The following ADAMTS6 variants were observed in gnomAD, a reference collection of about 807,000 sequenced individuals.
The protein encoded by ADAMTS6 is ADAM metallopeptidase with thrombospondin type 1 motif 6.
Under a neutral mutation model 144.3 loss-of-function variants are expected in ADAMTS6, and 23 were observed. The ratio of observed to expected loss-of-function variants is 0.16; its 90% CI spans 0.11 to 0.23. The LOEUF is 0.23. ADAMTS6 is among the 10% of genes least tolerant of loss of function. ADAMTS6 has a pLI of 1.00. For synonymous variants in ADAMTS6, 444 were observed against 457.5 expected (o/e 0.97, Z 0.38); for missense variants, 999 against 1,379.6 (o/e 0.72, Z 4.37).
intron 21 of ADAMTS6, among the ~76,000 whole-genome samples, chr5:65,194,664 G>T (rs1755223864): frequency 6.6e-6 from 1 of 152,218 alleles, no homozygotes; most frequent in Admixed American, 6.5e-5. Flanking sequence ...ACTAAGAGAA[G>T]TAGGCTAATA....
chr5:65,328,189 G>T (rs2059545408), intron 9 of ADAMTS6, among the ~76,000 whole-genome samples: 1 of 151,874 alleles, frequency 6.6e-6, no homozygotes, highest in Non-Finnish European at 1.5e-5. Flanking sequence ...GATAAAATTT[G>T]ATTGCAATTT....
At chr5:65,169,904 GA>G (rs1753498505) in intron 24 of ADAMTS6, among the ~76,000 whole-genome samples, 1 of 115,024 alleles carries the variant, frequency 8.7e-6, no homozygotes, top group Non-Finnish European at 1.7e-5. Context: ...GGGGAGGGGG[GA>G]GGGATAGCAT....
intron 7 of ADAMTS6, among the ~76,000 whole-genome samples, chr5:65,356,433 A>C (rs554723050): frequency 6.6e-6 from 1 of 151,968 alleles, no homozygotes; most frequent in Admixed American, 6.6e-5. Flanking sequence ...AATTATGTCA[A>C]ATGACAACTG....
At chr5:65,408,217 A>G (rs774220155) in intron 7 of ADAMTS6, among the ~76,000 whole-genome samples, 5 of 152,212 alleles carry the variant, frequency 3.3e-5, no homozygotes, top group Non-Finnish European at 5.9e-5. Context: ...TTGGATAAAG[A>G]GTCAAAACCC....
chr5:65,302,092 CAAAAAAA>C (rs1182825165), intron 9 of ADAMTS6, among the ~76,000 whole-genome samples: 2 of 19,976 alleles, frequency 1.0e-4, no homozygotes, highest in Non-Finnish European at 2.1e-4. Flanking sequence ...GCTCTGTCTC[CAAAAAAA>C]AAAAAAAAAT....
chr5:65,341,302 G>C (rs1747797624), intron 7 of ADAMTS6, among the ~76,000 whole-genome samples: 1 of 150,974 alleles, frequency 6.6e-6, no homozygotes, highest in African/African-American at 2.4e-5. Flanking sequence ...CAAGAAACTA[G>C]AAAAATAAGA....
At chr5:65,260,766 AT>A in intron 13 of ADAMTS6, 103 bp from the exon 14 acceptor site, 1 of 779,900 alleles carries the variant, frequency 1.3e-6, no homozygotes. Flanking sequence ...CTTTCAAAAA[AT>A]ATATCATTTG....
intron 2 of ADAMTS6, 52 bp from the exon 3 acceptor site, chr5:65,471,194 A>T: frequency 6.5e-7 from 1 of 1,534,468 alleles, no homozygotes. Context: ...GGAAGAAAAG[A>T]AAATTTAACG....
Position 65,230,820 on chromosome 5 carries a change from C to T in ADAMTS6, c.1934-4601G>A, listed in dbSNP as rs1277383824. Among the ~76,000 whole-genome samples the T allele has an allele frequency of 6.1e-5, 4 of 65,676 alleles. 1 individual carries two copies. Among genetic ancestry groups the T allele is most frequent in the African/African-American group, 9.2e-5 (1 of 10,826 alleles). 43.1% of individuals were successfully genotyped at this position (65,676 alleles called of 152,430 possible). ...ATATGTATGAAATATATATATAATA[C>T]ATATGTATAAATATATATATAATAC... On this transcript the variant is annotated intron_variant, in intron 15 of 24. Coordinates refer to ENST00000381055, the MANE Select transcript of ADAMTS6 (RefSeq NM_197941.4).
At chr5:65,368,342 C>G (rs1342293223) in intron 7 of ADAMTS6, among the ~76,000 whole-genome samples, 2 of 152,194 alleles carry the variant, frequency 1.3e-5, no homozygotes, top group African/African-American at 4.8e-5. Flanking sequence ...ACTCAATTGG[C>G]CTACAATTTA....
At chr5:65,467,777 G>C (rs1287164613) in intron 3 of ADAMTS6, among the ~76,000 whole-genome samples, 1 of 152,110 alleles carries the variant, frequency 6.6e-6, no homozygotes, top group African/African-American at 2.4e-5. Context: ...AATTTTTGAA[G>C]ATATTCTCCA....
intron 14 of ADAMTS6, among the ~76,000 whole-genome samples, chr5:65,250,463 G>A (rs975907615): frequency 2.0e-5 from 3 of 152,062 alleles, no homozygotes; most frequent in Non-Finnish European, 2.9e-5. Context: ...CATTGAAAAG[G>A]AAAAAAATTG....
chr5:65,279,475 C>G (rs1453452135), intron 11 of ADAMTS6, among the ~76,000 whole-genome samples: 1 of 152,032 alleles, frequency 6.6e-6, no homozygotes, highest in African/African-American at 2.4e-5. Context: ...TGCCACCATG[C>G]CTGGCTAATT....
At chr5:65,159,194 G>T (rs1301491724) in intron 24 of ADAMTS6, among the ~76,000 whole-genome samples, 1 of 151,868 alleles carries the variant, frequency 6.6e-6, no homozygotes, top group Non-Finnish European at 1.5e-5. Context: ...TACAATATCT[G>T]CCTTAGTTCA....
rs182556614 is a variant in ADAMTS6, at chr5:65,333,739, G to T, written c.1117+303C>A. On this transcript the variant is annotated intron_variant, in intron 8 of 24. Transcript: ENST00000381055. ...TTATATGAACATGAGTGATAACCTC[G>T]ATTTATAATTCTTTAATGAATTTGA... is the stretch of plus-strand genomic sequence containing the variant. Among the ~76,000 whole-genome samples the T allele has an allele frequency of 4.6e-5, 7 of 150,614 alleles. No individual in the cohort carries two copies. In the East Asian group the frequency reaches 1.4e-3, roughly 29 times the overall value.
intron 7 of ADAMTS6, among the ~76,000 whole-genome samples, chr5:65,421,331 G>A (rs1252373874): frequency 1.3e-5 from 2 of 152,066 alleles, no homozygotes; most frequent in African/African-American, 2.4e-5. Flanking sequence ...ATGAAACTTA[G>A]TTTTGCTGGA....
chr5:65,221,177 C>T (rs1757300619), intron 18 of ADAMTS6, among the ~76,000 whole-genome samples: 1 of 152,092 alleles, frequency 6.6e-6, no homozygotes, highest in Admixed American at 6.6e-5. Flanking sequence ...ATACAAAAAC[C>T]AGCAAAGAAA....
chr5:65,369,409 A>T (rs1750627407), intron 7 of ADAMTS6, among the ~76,000 whole-genome samples: 1 of 152,208 alleles, frequency 6.6e-6, no homozygotes, highest in Non-Finnish European at 1.5e-5. Flanking sequence ...CAAAAGTGGC[A>T]ATTTCATATA....
chr5:65,242,307 T>A (rs1759260173), intron 14 of ADAMTS6, 101 bp from the exon 15 acceptor site: 1 of 695,168 alleles, frequency 1.4e-6, no homozygotes, highest in African/African-American at 1.8e-5. Context: ...CTCACTACCT[T>A]ATTCTGTGGC....
Sources: gnomAD v4.1 joint callset for allele counts (sites outside exome capture counted in the v4.1 genomes callset) on GRCh38, gnomAD v4.1.1 for gene constraint, MANE v1.5 for transcripts, NCBI Gene and HGNC (gene_info 2026-07-23, HGNC 2026-07-21) for gene names.